The following TULP4 variants were observed in gnomAD, a reference collection of about 807,000 sequenced individuals.
TULP4 encodes the protein tubby-related protein 4.
A neutral mutation model predicts 129.0 loss-of-function variants in TULP4; 16 were observed. That is an observed-to-expected ratio of 0.12 (90% confidence interval 0.08 to 0.19). TULP4 has a LOEUF of 0.19. Among genes scored for constraint, TULP4 ranks in the 10% least tolerant of loss-of-function variants. TULP4 has a pLI of 1.00. For missense variants in TULP4, 1,842 were observed against 2,059.1 expected (o/e 0.89, Z 2.04); for synonymous variants, 998 against 854.0 (o/e 1.17, Z -2.94).
At chr6:158,275,027 ATAAG>A (rs538090892) in intron 1 of TULP4, among the ~76,000 whole-genome samples, 18 of 152,242 alleles carry the variant, frequency 1.2e-4, no homozygotes, top group Admixed American at 2.6e-4. Context: ...GTAGAAAGAA[ATAAG>A]TAAGAAATAA....
intron 1 of TULP4, among the ~76,000 whole-genome samples, chr6:158,364,818 GCT>G (rs1780886834): frequency 6.6e-6 from 1 of 152,074 alleles, no homozygotes; most frequent in Non-Finnish European, 1.5e-5. Context: ...CTCACTGCAA[GCT>G]CTGCCTCCCA....
intron 1 of TULP4, among the ~76,000 whole-genome samples, chr6:158,350,100 G>A (rs1185946867): frequency 2.0e-5 from 3 of 148,344 alleles, no homozygotes; most frequent in African/African-American, 5.0e-5. Flanking sequence ...GGGGCAGCCG[G>A]GCAGAGGCGC....
intron 3 of TULP4, among the ~76,000 whole-genome samples, chr6:158,436,809 A>ATTTTATTCTCTAGCCT (rs1424815312): frequency 6.6e-6 from 1 of 152,208 alleles, no homozygotes; most frequent in African/African-American, 2.4e-5. Flanking sequence ...AGGTCTTGGC[A>ATTTTATTCTCTAGCCT]CATGCAGTAC....
rs747071502 is a variant in TULP4, at chr6:158,502,330, C to T, written c.2667C>T (p.Thr889=). Reference sequence around the variant, plus strand: ...CCCCCCTGGGCTATGAGAGGATCACCACCTTCGACAGCAGTGGCAACGTGG... The same window carrying T: ...CCCCCCTGGGCTATGAGAGGATCACTACCTTCGACAGCAGTGGCAACGTGG... The part of the protein sequence containing the change: ...YQTPLGYERI[T]TFDSSGNVEE... The change falls in exon 13 of 14, where the codon ACC becomes ACT. Residue 889 remains threonine, a synonymous_variant. Coordinates refer to ENST00000367097, the MANE Select transcript of TULP4 (RefSeq NM_020245.5). 1.2e-6 allele frequency: 2 copies of T among 1,613,760 alleles called. No homozygotes were observed. The highest frequency in any genetic ancestry group is 2.2e-5 in the South Asian group (2 of 91,064).
chr6:158,467,552 A>T (rs1422986075), intron 6 of TULP4, among the ~76,000 whole-genome samples: 1 of 152,182 alleles, frequency 6.6e-6, no homozygotes, highest in Admixed American at 6.5e-5. Flanking sequence ...AAGTGCTGGG[A>T]TTACAGGCGT....
intron 1 of TULP4, among the ~76,000 whole-genome samples, chr6:158,269,826 G>C (rs1778514030): frequency 6.6e-6 from 1 of 152,226 alleles, no homozygotes. Context: ...GAAGGTGTTT[G>C]AAAAGTTACC....
chr6:158,288,527 G>A (rs1430480723), intron 1 of TULP4, among the ~76,000 whole-genome samples: 2 of 151,084 alleles, frequency 1.3e-5, no homozygotes, highest in African/African-American at 2.4e-5. Flanking sequence ...TTAAGAAGGA[G>A]TCTCACTCTG....
At position 158,503,458 on chromosome 6, in the gene TULP4, C is replaced by G. The variant is rs752164676; in HGVS notation, c.3795C>G (p.Ser1265=). 5.0e-6 allele frequency: 8 copies of G among 1,614,002 alleles called. No individual in the cohort carries two copies. The South Asian group carries it at 7.7e-5, about 16-fold the overall frequency. The change falls in exon 13 of 14, where the codon TCC becomes TCG. Residue 1265 remains serine (S), a synonymous_variant. Coordinates refer to ENST00000367097, the MANE Select transcript of TULP4 (RefSeq NM_020245.5). The surrounding 1 kb of genome is among the most constrained non-coding windows in gnomAD (Gnocchi z 4.3). ...CTGTCGCCTTGCATCCATGGAGTTCCTACAGCGCCTGCCCGCCCATGCAGA... is the reference window on the plus strand; with the variant it reads ...CTGTCGCCTTGCATCCATGGAGTTCGTACAGCGCCTGCCCGCCCATGCAGA... ...LPPVALHPWS[S]YSACPPMQNP... is the part of the protein sequence containing the mutation.
chr6:158,246,446 C>A (rs1264984325), intron 1 of TULP4, among the ~76,000 whole-genome samples: 4 of 150,672 alleles, frequency 2.7e-5, no homozygotes, highest in Non-Finnish European at 5.9e-5. Context: ...GAGCTGAGAT[C>A]GCACCACTGC....
chr6:158,385,962 C>T (rs1490537728), intron 1 of TULP4, among the ~76,000 whole-genome samples: 10 of 149,608 alleles, frequency 6.7e-5, no homozygotes, highest in South Asian at 2.1e-4. Context: ...CTCCTGCATC[C>T]GCCTCCTGAA....
intron 1 of TULP4, among the ~76,000 whole-genome samples, chr6:158,297,724 A>G (rs1368904430): frequency 6.6e-6 from 1 of 152,178 alleles, no homozygotes; most frequent in Non-Finnish European, 1.5e-5. Context: ...TAAGGGTCCA[A>G]CAAAGATCAC....
intron 1 of TULP4, among the ~76,000 whole-genome samples, chr6:158,298,511 G>C (rs1017308366): frequency 6.6e-6 from 1 of 151,674 alleles, no homozygotes; most frequent in African/African-American, 2.4e-5. Flanking sequence ...GGCGATGAAG[G>C]CTTGTTCGTT....
intron 1 of TULP4, among the ~76,000 whole-genome samples, chr6:158,293,482 G>A (rs1562508457): frequency 6.6e-6 from 1 of 152,204 alleles, no homozygotes; most frequent in Non-Finnish European, 1.5e-5. Context: ...GTAAAACATA[G>A]CCTCTGTTTA....
intron 1 of TULP4, among the ~76,000 whole-genome samples, chr6:158,258,316 T>G (rs1048357713): frequency 2.6e-5 from 4 of 152,240 alleles, no homozygotes; most frequent in African/African-American, 9.6e-5. Flanking sequence ...TCAGTGTTTC[T>G]GAGTTATTCC....
chr6:158,379,998 G>C (rs1777286221), intron 1 of TULP4, among the ~76,000 whole-genome samples: 1 of 152,176 alleles, frequency 6.6e-6, no homozygotes. Context: ...AGCAGGAATA[G>C]AGAGTGAGAA....
chr6:158,276,877 C>T (rs1778656750), intron 1 of TULP4, among the ~76,000 whole-genome samples: 2 of 151,948 alleles, frequency 1.3e-5, no homozygotes, highest in Admixed American at 1.3e-4. Context: ...TTAGAACCCA[C>T]ATGTTTGTTT....
At chr6:158,381,864 T>C (rs931496332) in intron 1 of TULP4, among the ~76,000 whole-genome samples, 1 of 152,264 alleles carries the variant, frequency 6.6e-6, no homozygotes, top group Non-Finnish European at 1.5e-5. Flanking sequence ...TTGTGTTTAC[T>C]TGGATTTGGG....
intron 1 of TULP4, among the ~76,000 whole-genome samples, chr6:158,233,856 C>CT (rs1449257954): frequency 1.3e-5 from 2 of 152,084 alleles, no homozygotes; most frequent in East Asian, 3.9e-4. Context: ...TGTGGATTTC[C>CT]TTTAAGAATT....
At chr6:158,504,249 C>A in intron 13 of TULP4, 71 bp downstream of exon 13, 1 of 1,295,348 alleles carries the variant, frequency 7.7e-7, no homozygotes, top group Non-Finnish European at 1.0e-6. Flanking sequence ...CTTCAAGGAG[C>A]ATTTTTCAAA....
Sources: gnomAD v4.1 joint callset for allele counts (sites outside exome capture counted in the v4.1 genomes callset) on GRCh38, gnomAD v4.1.1 for gene constraint, Gnocchi (gnomAD v3.1) non-coding constraint, MANE v1.5 for transcripts, NCBI Gene and HGNC (gene_info 2026-07-23, HGNC 2026-07-21) for gene names.